TMEM51: variants seen among roughly 807,000 people sequenced by gnomAD.
TMEM51 encodes transmembrane protein 51.
TMEM51 carries 8 observed loss-of-function variants against 13.6 expected under a neutral mutation model. That is an observed-to-expected ratio of 0.59 (90% CI 0.35 to 1.07). The LOEUF is 1.07. Among genes scored for constraint, TMEM51 ranks in the 50% least tolerant of loss-of-function variants. TMEM51 has a pLI of 0.02. For missense variants in TMEM51, 279 were observed against 330.7 expected, an observed-to-expected ratio of 0.84 and a Z score of 1.21; for synonymous variants, 147 against 144.4, an observed-to-expected ratio of 1.02 and a Z score of -0.13.
chr1:15,178,446 CT>C (rs1271721173), intron 1 of TMEM51, among the ~76,000 whole-genome samples: 1 of 152,178 alleles, frequency 6.6e-6, no homozygotes. Flanking sequence ...CGGGCCTTAC[CT>C]CGCATTCTGA....
chr1:15,203,152 C>G (rs1234836026), intron 1 of TMEM51, among the ~76,000 whole-genome samples: 1 of 151,722 alleles, frequency 6.6e-6, no homozygotes, highest in African/African-American at 2.4e-5. Flanking sequence ...CCCTCCTCTG[C>G]CTGGAATGTT....
At chr1:15,173,905 A>G (rs1643375872) in intron 1 of TMEM51, among the ~76,000 whole-genome samples, 1 of 152,220 alleles carries the variant, frequency 6.6e-6, no homozygotes, top group Admixed American at 6.5e-5. Flanking sequence ...CTAGTTTTTC[A>G]AGAAAGCAAG....
At chr1:15,181,297 C>G (rs1643608101) in intron 1 of TMEM51, among the ~76,000 whole-genome samples, 1 of 152,194 alleles carries the variant, frequency 6.6e-6, no homozygotes, top group Admixed American at 6.5e-5. Context: ...TGCGAGGTCA[C>G]TCACCTGTCT....
chr1:15,171,662 A>C (rs1189657461), intron 1 of TMEM51, among the ~76,000 whole-genome samples: 1 of 152,134 alleles, frequency 6.6e-6, no homozygotes, highest in Non-Finnish European at 1.5e-5. Context: ...CTTCACTTCC[A>C]TCTCCCAGCT....
intron 1 of TMEM51, among the ~76,000 whole-genome samples, chr1:15,164,167 AAAGCT>A (rs1292183322): frequency 6.6e-6 from 1 of 151,980 alleles, no homozygotes; most frequent in Non-Finnish European, 1.5e-5. Flanking sequence ...TATACTTATC[AAAGCT>A]AAGAAATTGA....
chr1:15,211,843 T>G (rs1644345413), intron 2 of TMEM51, among the ~76,000 whole-genome samples: 1 of 125,008 alleles, frequency 8.0e-6, no homozygotes, highest in Admixed American at 8.3e-5. Context: ...CCCCCGGGAT[T>G]TTTACATACG....
chr1:15,209,985 C>T (rs1644312986), intron 1 of TMEM51, among the ~76,000 whole-genome samples: 1 of 151,934 alleles, frequency 6.6e-6, no homozygotes, highest in Non-Finnish European at 1.5e-5. Context: ...GAGCTGAGAT[C>T]ACACCACTGC....
chr1:15,206,632 G>A (rs1030937049), intron 1 of TMEM51, among the ~76,000 whole-genome samples: 6 of 140,880 alleles, frequency 4.3e-5, no homozygotes, highest in South Asian at 2.6e-4. Context: ...AAGGGTGGCC[G>A]TGAGGATCGG....
At chr1:15,158,400 C>G (rs1642657941) in intron 1 of TMEM51, among the ~76,000 whole-genome samples, 1 of 152,136 alleles carries the variant, frequency 6.6e-6, no homozygotes, top group African/African-American at 2.4e-5. Flanking sequence ...CAAATTCATA[C>G]AGAGGGAGGG....
chr1:15,158,690 A>G (rs1642669091), intron 1 of TMEM51, among the ~76,000 whole-genome samples: 1 of 152,134 alleles, frequency 6.6e-6, no homozygotes, highest in Admixed American at 6.5e-5. Flanking sequence ...TGGGAACAGG[A>G]TGGGGCGGGG....
intron 1 of TMEM51, among the ~76,000 whole-genome samples, chr1:15,157,989 CT>C (rs1475529258): frequency 2.0e-5 from 3 of 152,138 alleles, no homozygotes; most frequent in Admixed American, 6.5e-5. Flanking sequence ...GACAAGGTCT[CT>C]GTGTGTTGCC....
chr1:15,165,347 G>T (rs1573377586), intron 1 of TMEM51, among the ~76,000 whole-genome samples: 1 of 151,868 alleles, frequency 6.6e-6, no homozygotes, highest in East Asian at 1.9e-4. Flanking sequence ...TTAGTACATG[G>T]GAAAAAAAAG....
chr1:15,187,893 C>T (rs1303619054), intron 1 of TMEM51, among the ~76,000 whole-genome samples: 2 of 152,168 alleles, frequency 1.3e-5, no homozygotes, highest in African/African-American at 4.8e-5. Flanking sequence ...AGCCCCCATT[C>T]CTGAGCCCCC....
At chr1:15,164,949 C>T (rs148004682) in intron 1 of TMEM51, among the ~76,000 whole-genome samples, 19,494 of 151,770 alleles carry the variant, frequency 0.13, 1,654 homozygotes, top group Non-Finnish European at 0.18. Context: ...ACTACAGGTG[C>T]GCGCCACCAC....
intron 2 of TMEM51, among the ~76,000 whole-genome samples, chr1:15,214,254 AG>A (rs1644388901): frequency 6.6e-6 from 1 of 152,084 alleles, no homozygotes; most frequent in Non-Finnish European, 1.5e-5. Flanking sequence ...AGCACATGAA[AG>A]GGGCATCTGA....
intron 1 of TMEM51, among the ~76,000 whole-genome samples, chr1:15,160,881 T>TCC (rs1303510654): frequency 7.2e-6 from 1 of 139,480 alleles, no homozygotes; most frequent in East Asian, 2.5e-4. Flanking sequence ...ATGGAGCTGA[T>TCC]CCCCCACGGG....
intron 1 of TMEM51, among the ~76,000 whole-genome samples, chr1:15,184,016 C>CCTTTCCTTCTT (rs1156980259): frequency 6.6e-6 from 1 of 152,172 alleles, no homozygotes; most frequent in Non-Finnish European, 1.5e-5. Context: ...TTCCTTCTTT[C>CCTTTCCTTCTT]CTTTCCTTCT....
chr1:15,187,368 C>T (rs1339632123), intron 1 of TMEM51, among the ~76,000 whole-genome samples: 1 of 152,230 alleles, frequency 6.6e-6, no homozygotes, highest in Admixed American at 6.5e-5. Flanking sequence ...CCTCTCTGTT[C>T]CTTCCTGCCC....
intron 1 of TMEM51, among the ~76,000 whole-genome samples, chr1:15,156,949 C>T (rs1642611456): frequency 6.6e-6 from 1 of 152,226 alleles, no homozygotes; most frequent in African/African-American, 2.4e-5. Context: ...AGCTCCTCCC[C>T]AGCCTGGACA....
Sources: allele counts gnomAD v4.1 joint callset (sites outside exome capture counted in the v4.1 genomes callset), GRCh38; gene constraint gnomAD v4.1.1; transcripts MANE v1.5; gene names NCBI Gene and HGNC (gene_info 2026-07-23, HGNC 2026-07-21).